The following NACC2 variants were observed in gnomAD, a reference collection of about 807,000 sequenced individuals.
NACC2 encodes the protein nucleus accumbens-associated protein 2.
Under a neutral mutation model 25.1 loss-of-function variants are expected in NACC2, and 8 were observed. The ratio of observed to expected loss-of-function variants is 0.32; its 90% CI spans 0.19 to 0.57. The LOEUF (loss-of-function observed/expected upper bound fraction) is 0.57. Among genes scored for constraint, NACC2 ranks in the 20% least tolerant of loss-of-function variants. NACC2 has a pLI of 0.89. For synonymous variants in NACC2, 435 were observed against 294.7 expected (o/e 1.48, Z -4.88); for missense variants, 644 against 650.2 (o/e 0.99, Z 0.10).
At chr9:136,056,385 G>A (rs1010514678) in intron 1 of NACC2, among the ~76,000 whole-genome samples, 2 of 152,128 alleles carry the variant, frequency 1.3e-5, no homozygotes. Flanking sequence ...CGTGTGCCGT[G>A]TGCTCACCTC....
chr9:136,059,927 G>A (rs1440941685), intron 1 of NACC2, among the ~76,000 whole-genome samples: 1 of 152,236 alleles, frequency 6.6e-6, no homozygotes, highest in African/African-American at 2.4e-5. Flanking sequence ...CTGACCAGCA[G>A]AGAGGGGCCG....
chr9:136,089,677 G>A (rs1830415793), intron 1 of NACC2, among the ~76,000 whole-genome samples: 1 of 151,522 alleles, frequency 6.6e-6, no homozygotes. Context: ...TCAGAATGGG[G>A]GACCCCAGCC....
In NACC2 at chr9:136,055,174, G is replaced by A. The variant is rs569396642; in HGVS notation, c.-59-4594C>T. The stretch of plus-strand genomic sequence containing the variant: ...TGATGAGCCCCATACCCAGCAACCT[G>A]CCGATGGGTGAGAGGAGCCCGCGGG... On this transcript the variant is annotated intron_variant, in intron 1 of 5. Coordinates refer to ENST00000277554, the MANE Select transcript of NACC2 (RefSeq NM_144653.5). The surrounding 1 kb of genome is among the most constrained non-coding windows in gnomAD (Gnocchi z 4.9). 3.8e-3 allele frequency among the ~76,000 whole-genome samples: 586 copies of A among 152,322 alleles called. No homozygotes were observed. Among genetic ancestry groups the A allele is most frequent in the Non-Finnish European group, 6.9e-3 (470 of 68,006 alleles).
intron 1 of NACC2, among the ~76,000 whole-genome samples, chr9:136,080,825 C>T (rs553608242): frequency 2.0e-4 from 31 of 152,312 alleles, no homozygotes; most frequent in African/African-American, 7.5e-4. Context: ...CAGATGACCA[C>T]AGGCCGGCCT....
At chr9:136,091,557 G>A (rs1417752218) in intron 1 of NACC2, among the ~76,000 whole-genome samples, 2 of 152,210 alleles carry the variant, frequency 1.3e-5, no homozygotes, top group Non-Finnish European at 2.9e-5. Context: ...CGGTCCCGGA[G>A]TTCATGTCCC....
Position 136,013,785 on chromosome 9 carries a change from G to C in NACC2, c.1157+79C>G. ...GGCTTTCAATGCCACAACCCTGGACGATCAGACAGCTCATAGCTAAAGGAG... is the reference window on the plus strand; with the variant it reads ...GGCTTTCAATGCCACAACCCTGGACCATCAGACAGCTCATAGCTAAAGGAG... On this transcript the variant is annotated intron_variant, in intron 4 of 5. Coordinates refer to ENST00000277554, the MANE Select transcript of NACC2 (RefSeq NM_144653.5). This position sits in a 1 kb window ranked among gnomAD's most constrained non-coding sequence, Gnocchi z 6.6. 7.8e-7 allele frequency: 1 copy of C among 1,289,052 alleles called. No individual in the cohort carries two copies. Among genetic ancestry groups the C allele is most frequent in the Non-Finnish European group, 1.1e-6 (1 of 911,590 alleles). 79.9% of individuals were successfully genotyped at this position (1,289,052 alleles called of 1,614,324 possible).
At chr9:136,053,552 A>C (rs1840879913) in intron 1 of NACC2, among the ~76,000 whole-genome samples, 1 of 152,154 alleles carries the variant, frequency 6.6e-6, no homozygotes, top group African/African-American at 2.4e-5. Context: ...CTCATCCAGG[A>C]AGTCTGCCAA....
intron 2 of NACC2, among the ~76,000 whole-genome samples, chr9:136,034,530 AC>A (rs1401810257): frequency 6.6e-6 from 1 of 152,226 alleles, no homozygotes; most frequent in Non-Finnish European, 1.5e-5. Flanking sequence ...GTGGCAATGA[AC>A]AAATCTAGCA....
In NACC2 at chr9:136,050,514, T is replaced by C. The variant is rs1175240592; in HGVS notation, c.8A>G (p.Gln3Arg). The change falls in exon 2 of 6, where the codon CAG becomes CGG. Residue 3 changes from glutamine (Q) to arginine (R), a missense_variant. Coordinates refer to ENST00000277554, the MANE Select transcript of NACC2 (RefSeq NM_144653.5). ...GTTGGGGATCTCGATGTGCAGCATC[T>C]GAGACATGGCGGGCGGGCAGCGGCG... is the stretch of plus-strand genomic sequence containing the variant. Reference protein sequence around the residue: MSQMLHIEIPNFG... With the variant: MSRMLHIEIPNFG... 3 of 763,194 alleles carry C rather than the reference T, an allele frequency of 3.9e-6. No individual in the cohort carries two copies. In the East Asian group the frequency reaches 7.3e-5, roughly 19 times the overall value. The allele number at this position is 763,194 out of a possible 1,614,324, so 47.3% of individuals were successfully genotyped here.
At chr9:136,094,100 C>G (rs1830461720) in intron 1 of NACC2, among the ~76,000 whole-genome samples, 2 of 152,220 alleles carry the variant, frequency 1.3e-5, no homozygotes, top group South Asian at 4.1e-4. Context: ...GGAGTCCGGG[C>G]TGCCTTGGGC....
Position 136,086,798 on chromosome 9 carries a change from G to T in NACC2, c.-60+8391C>A, listed in dbSNP as rs768263511. On this transcript the variant is annotated intron_variant, in intron 1 of 5. Coordinates refer to ENST00000277554, the MANE Select transcript of NACC2 (RefSeq NM_144653.5). The surrounding 1 kb of genome is among the most constrained non-coding windows in gnomAD (Gnocchi z 5.6). The stretch of plus-strand genomic sequence containing the variant: ...GCACTGGTTTCACGCCCATCCAGGT[G>T]CCATCCCAGCAGCGGCTGCTGTCTG... Among the ~76,000 whole-genome samples the T allele has an allele frequency of 6.6e-6, 1 of 152,082 alleles. No individual in the cohort carries two copies. Among genetic ancestry groups the T allele is most frequent in the Non-Finnish European group, 1.5e-5 (1 of 68,028 alleles).
At chr9:136,038,087 T>A (rs960137959) in intron 2 of NACC2, among the ~76,000 whole-genome samples, 2 of 152,160 alleles carry the variant, frequency 1.3e-5, no homozygotes, top group Non-Finnish European at 2.9e-5. Flanking sequence ...CCACATACTG[T>A]ATACAACACC....
chr9:136,011,790 G>A lies in NACC2; in HGVS notation c.1490C>T (p.Ala497Val). 1 of 1,575,586 alleles carries A rather than the reference G, an allele frequency of 6.3e-7. No homozygotes were observed. Among genetic ancestry groups the A allele is most frequent in the Non-Finnish European group, 8.6e-7 (1 of 1,161,322 alleles). The change falls in exon 6 of 6, where the codon GCC becomes GTC. Residue 497 changes from alanine to valine, a missense_variant. By Grantham distance (64) the Ala-to-Val change is moderately conservative (BLOSUM62 0). Transcript: ENST00000277554. The part of the protein sequence containing the change: ...AAQVFEQRIY[A>V]ERRGDAATIV... ...GGTGGCGGCGTCGCCCCGCCGCTCG[G>A]CGTAGATGCGTTGCTCGAACACCTG...
At chr9:136,012,584 C>T (rs573015103) in intron 5 of NACC2, among the ~76,000 whole-genome samples, 2 of 152,366 alleles carry the variant, frequency 1.3e-5, no homozygotes, top group South Asian at 2.1e-4. Flanking sequence ...TGCCACCCCA[C>T]ACTTGGGGAC....
At chr9:136,051,122 C>T (rs1245363687) in intron 1 of NACC2, among the ~76,000 whole-genome samples, 1 of 152,164 alleles carries the variant, frequency 6.6e-6, no homozygotes, top group African/African-American at 2.4e-5. Context: ...AGGGCCCCTG[C>T]GGGGAAGGCG....
chr9:136,030,553 T>G (rs1216246970), intron 2 of NACC2, among the ~76,000 whole-genome samples: 6 of 151,464 alleles, frequency 4.0e-5, no homozygotes, highest in Non-Finnish European at 7.4e-5. Flanking sequence ...GAGCTTGCAG[T>G]GAGCCGAGAC....
chr9:136,088,888 A>G (rs1427747407), intron 1 of NACC2, among the ~76,000 whole-genome samples: 1 of 152,232 alleles, frequency 6.6e-6, no homozygotes, highest in Admixed American at 6.5e-5. Context: ...TCCTGGGGGA[A>G]GGTTTCCCGG....
chr9:136,053,190 C>A (rs1356109205), intron 1 of NACC2, among the ~76,000 whole-genome samples: 1 of 152,248 alleles, frequency 6.6e-6, no homozygotes, highest in Non-Finnish European at 1.5e-5. Flanking sequence ...ACTCCCGGCG[C>A]CCCTCTGAGG....
chr9:136,075,378 C>T (rs1401756920), intron 1 of NACC2, among the ~76,000 whole-genome samples: 3 of 152,238 alleles, frequency 2.0e-5, no homozygotes, highest in African/African-American at 4.8e-5. Context: ...CTGACTGAAG[C>T]GCTCATTACA....
Sources: allele counts gnomAD v4.1 joint callset (sites outside exome capture counted in the v4.1 genomes callset), GRCh38; gene constraint gnomAD v4.1.1; non-coding constraint Gnocchi (gnomAD v3.1); transcripts MANE v1.5; gene names NCBI Gene and HGNC (gene_info 2026-07-23, HGNC 2026-07-21).